MYO9A: variants seen among roughly 807,000 people sequenced by gnomAD.
MYO9A encodes the protein myosin IXA, also known as unconventional myosin-IXa.
MYO9A carries 103 observed loss-of-function variants against 293.3 expected under a neutral mutation model. The observed-to-expected ratio is 0.35, with a 90% CI of 0.30 to 0.41. MYO9A has a LOEUF of 0.41. Ranked by LOEUF, MYO9A falls within the 10% of genes least tolerant of loss-of-function variation. The pLI is 1.00. For synonymous variants in MYO9A, 1,001 were observed against 1,035.7 expected, an observed-to-expected ratio of 0.97 and a Z score of 0.64; for missense variants, 2,685 against 3,033.0, an observed-to-expected ratio of 0.89 and a Z score of 2.69.
At chr15:71,859,818 C>T in intron 33 of MYO9A, 22 bp from the exon 34 acceptor site, 1 of 1,605,384 alleles carries the variant, frequency 6.2e-7, no homozygotes, top group Non-Finnish European at 8.5e-7. Flanking sequence ...GTGAGGAATG[C>T]AACATTTTTA....
chr15:72,100,201 G>A (rs535405918), intron 1 of MYO9A, among the ~76,000 whole-genome samples: 2 of 151,960 alleles, frequency 1.3e-5, no homozygotes, highest in South Asian at 4.2e-4. Context: ...TGGCCAACAT[G>A]GTGAAACCTG....
intron 10 of MYO9A, among the ~76,000 whole-genome samples, 185 bp downstream of exon 10, chr15:71,994,284 C>G (rs546020059): frequency 6.6e-6 from 1 of 152,006 alleles, no homozygotes; most frequent in African/African-American, 2.4e-5. Flanking sequence ...GAGGTAAAAA[C>G]ACATAATAAA....
At chr15:71,944,133 C>A (rs145921772) in intron 15 of MYO9A, among the ~76,000 whole-genome samples, 5 of 152,150 alleles carry the variant, frequency 3.3e-5, no homozygotes, top group Admixed American at 3.3e-4. Context: ...CATGAGAACA[C>A]AGATAAATCT....
intron 32 of MYO9A, among the ~76,000 whole-genome samples, chr15:71,872,838 G>A (rs1164844672): frequency 2.0e-5 from 3 of 152,036 alleles, no homozygotes; most frequent in Middle Eastern, 3.2e-3. Flanking sequence ...TTTCTATACA[G>A]TGTTTATAGC....
chr15:72,060,999 G>A (rs1490604359), intron 1 of MYO9A, among the ~76,000 whole-genome samples: 1 of 152,136 alleles, frequency 6.6e-6, no homozygotes, highest in Non-Finnish European at 1.5e-5. Context: ...CCACAATACA[G>A]TAAAGCACCA....
chr15:72,073,748 G>A (rs780915876), intron 1 of MYO9A, among the ~76,000 whole-genome samples: 8 of 152,072 alleles, frequency 5.3e-5, no homozygotes, highest in Admixed American at 5.2e-4. Context: ...TCTACTAACC[G>A]AAAGGAAACA....
chr15:72,081,239 C>T (rs1301465803), intron 1 of MYO9A, among the ~76,000 whole-genome samples: 1 of 152,108 alleles, frequency 6.6e-6, no homozygotes, highest in Non-Finnish European at 1.5e-5. Context: ...TTATTTTTGA[C>T]TTTTTAATAA....
At chr15:72,004,471 G>A (rs2076960584) in intron 8 of MYO9A, among the ~76,000 whole-genome samples, 1 of 151,940 alleles carries the variant, frequency 6.6e-6, no homozygotes, top group South Asian at 2.1e-4. Context: ...GCAGGAGAAT[G>A]GCTTGGACCC....
chr15:72,112,486 TATC>T (rs2080815237), intron 1 of MYO9A, among the ~76,000 whole-genome samples: 1 of 152,248 alleles, frequency 6.6e-6, no homozygotes, highest in East Asian at 1.9e-4. Context: ...TACTTTGTTC[TATC>T]ATATTATTTT....
At chr15:71,967,723 T>A (rs182787397) in intron 13 of MYO9A, among the ~76,000 whole-genome samples, 2 of 152,160 alleles carry the variant, frequency 1.3e-5, no homozygotes, top group Non-Finnish European at 2.9e-5. Context: ...ACAGATGCAA[T>A]CTATTCTTTC....
At chr15:71,829,282 T>C (rs1027537667) in intron 40 of MYO9A, among the ~76,000 whole-genome samples, 1 of 152,126 alleles carries the variant, frequency 6.6e-6, no homozygotes, top group Non-Finnish European at 1.5e-5. Context: ...GAATCAATCA[T>C]GAGAGACCAA....
intron 29 of MYO9A, among the ~76,000 whole-genome samples, 199 bp from the exon 30 acceptor site, chr15:71,880,036 A>C (rs999501945): frequency 6.6e-6 from 1 of 152,230 alleles, no homozygotes; most frequent in African/African-American, 2.4e-5. Flanking sequence ...TCCTTCTAAC[A>C]TTGTATGATT....
At chr15:72,050,183 G>A (rs1477558675) in intron 1 of MYO9A, among the ~76,000 whole-genome samples, 1 of 151,116 alleles carries the variant, frequency 6.6e-6, no homozygotes, top group Non-Finnish European at 1.5e-5. Context: ...CAAAAAGGAG[G>A]GTTTGTCTCA....
chr15:71,908,605 T>C (rs1021704751), intron 19 of MYO9A, among the ~76,000 whole-genome samples: 4 of 152,220 alleles, frequency 2.6e-5, no homozygotes, highest in Non-Finnish European at 5.9e-5. Flanking sequence ...TTACTCCCTG[T>C]CTGTTTAAAA....
chr15:71,886,846 T>C (rs2057036599), intron 27 of MYO9A, among the ~76,000 whole-genome samples: 1 of 152,116 alleles, frequency 6.6e-6, no homozygotes, highest in Non-Finnish European at 1.5e-5. Flanking sequence ...TCTTCTACTG[T>C]GTCACATCTT....
intron 11 of MYO9A, among the ~76,000 whole-genome samples, chr15:71,983,128 T>C (rs1027098700): frequency 1.3e-5 from 2 of 152,164 alleles, no homozygotes; most frequent in South Asian, 2.1e-4. Context: ...TTATATTTAA[T>C]GTAATCACTA....
At position 71,822,609 on chromosome 15, in the gene MYO9A, C is replaced by T. The variant is rs1327803600; in HGVS notation, c.*3971G>A. On this transcript the variant is annotated 3_prime_UTR_variant, in exon 42 of 42. Coordinates refer to ENST00000356056, the MANE Select transcript of MYO9A (RefSeq NM_006901.4). Reference sequence around the variant, plus strand: ...ATACAGTTTTTAAAAAAAATTTACACTCAGCATACTTATAAATTACTTAAA... The same window carrying T: ...ATACAGTTTTTAAAAAAAATTTACATTCAGCATACTTATAAATTACTTAAA... 6.6e-6 allele frequency: 1 copy of T among 152,070 alleles called. No individual in the cohort carries two copies. The highest frequency in any genetic ancestry group is 6.6e-5 in the Admixed American group (1 of 15,258). The allele number at this position is 152,070 out of a possible 1,614,324, so 9.4% of individuals were successfully genotyped here.
chr15:72,099,909 CAAAAAAAAAAAAAAAA>C (rs34892673), intron 1 of MYO9A, among the ~76,000 whole-genome samples: 8 of 39,818 alleles, frequency 2.0e-4, no homozygotes, highest in African/African-American at 1.0e-3. Flanking sequence ...GACTTGGTCT[CAAAAAAAAAAAAAAAA>C]AAAAAAAAGC....
At chr15:71,893,443 A>C (rs1265646278) in intron 26 of MYO9A, 10 of 544,752 alleles carry the variant, frequency 1.8e-5, no homozygotes, top group Non-Finnish European at 2.9e-5. Context: ...ATAGTAAGTC[A>C]ACAAAGTCTC....
Sources: gnomAD v4.1 joint callset for allele counts (sites outside exome capture counted in the v4.1 genomes callset) on GRCh38, gnomAD v4.1.1 for gene constraint, MANE v1.5 for transcripts, NCBI Gene and HGNC (gene_info 2026-07-23, HGNC 2026-07-21) for gene names.